BMPR1B: variants seen among roughly 807,000 people sequenced by gnomAD.
The protein encoded by BMPR1B is bone morphogenetic protein receptor type 1B.
A neutral mutation model predicts 59.1 loss-of-function variants in BMPR1B; 12 were observed. The observed-to-expected ratio is 0.20, with a 90% CI of 0.13 to 0.33. The LOEUF is 0.33. Ranked by LOEUF, BMPR1B falls within the 10% of genes least tolerant of loss-of-function variation. The pLI is 1.00. For synonymous variants in BMPR1B, 237 were observed against 207.3 expected (o/e 1.14, Z -1.23); for missense variants, 550 against 610.9 (o/e 0.90, Z 1.05).
intron 2 of BMPR1B, among the ~76,000 whole-genome samples, chr4:94,913,290 G>T (rs1002291247): frequency 3.9e-5 from 6 of 152,256 alleles, no homozygotes; most frequent in African/African-American, 1.4e-4. Context: ...ATAACCTTAT[G>T]TAAGTGGTGT....
chr4:94,877,619 T>G (rs1726781773), intron 2 of BMPR1B, among the ~76,000 whole-genome samples: 1 of 152,190 alleles, frequency 6.6e-6, no homozygotes, highest in African/African-American at 2.4e-5. Context: ...CTACCCCCAG[T>G]AGGAATTATA....
At chr4:94,829,725 G>A (rs778639356) in intron 1 of BMPR1B, among the ~76,000 whole-genome samples, 1 of 152,190 alleles carries the variant, frequency 6.6e-6, no homozygotes, top group Non-Finnish European at 1.5e-5. Flanking sequence ...AAAGAATGAA[G>A]TGCTCTAGTA....
At chr4:95,043,181 CAAAAAAAAAA>C (rs751904820) in intron 3 of BMPR1B, among the ~76,000 whole-genome samples, 3 of 51,454 alleles carry the variant, frequency 5.8e-5, no homozygotes, top group South Asian at 1.1e-3. Context: ...GACTCCGTCT[CAAAAAAAAAA>C]AAAAAAAAAA....
chr4:94,840,551 G>T (rs912866864), intron 1 of BMPR1B, among the ~76,000 whole-genome samples: 1 of 135,746 alleles, frequency 7.4e-6, no homozygotes, highest in African/African-American at 2.7e-5. Context: ...CCAGTTGATC[G>T]CATCGGCTCC....
chr4:95,080,035 T>C (rs902162214), intron 3 of BMPR1B, among the ~76,000 whole-genome samples: 1 of 152,316 alleles, frequency 6.6e-6, no homozygotes, highest in African/African-American at 2.4e-5. Context: ...ACTCAGGAGC[T>C]TAATTGTGCC....
At position 95,155,889 on chromosome 4, in the gene BMPR1B, G is replaced by T. The variant is rs1735388806; in HGVS notation, c.*1216G>T. On this transcript the variant is annotated 3_prime_UTR_variant, in exon 13 of 13. Coordinates refer to ENST00000515059, the MANE Select transcript of BMPR1B (RefSeq NM_001203.3). ...TAAAAATAGAGAAACATAACCTCTA[G>T]ATGGGACAGCAGAGGACAGTTAGTA... 1 of 152,280 alleles carries T rather than the reference G, an allele frequency of 6.6e-6. No homozygotes were observed. The highest frequency in any genetic ancestry group is 1.5e-5 in the Non-Finnish European group (1 of 68,018). The allele number at this position is 152,280 out of a possible 1,614,324, so 9.4% of individuals were successfully genotyped here. A position where few individuals can be genotyped will look rare whatever the true frequency, so the allele number is the denominator to read the frequency against.
intron 2 of BMPR1B, among the ~76,000 whole-genome samples, chr4:94,881,309 G>T (rs936594292): frequency 2.6e-5 from 4 of 152,020 alleles, no homozygotes; most frequent in Non-Finnish European, 5.9e-5. Flanking sequence ...ACAAACACAT[G>T]CGTATTTAGA....
In BMPR1B at chr4:95,156,197, T is replaced by G. The variant is rs1735409371; in HGVS notation, c.*1524T>G. 6.6e-6 allele frequency: 1 copy of G among 152,210 alleles called. No individual in the cohort carries two copies. Among genetic ancestry groups the G allele is most frequent in the Non-Finnish European group, 1.5e-5 (1 of 68,016 alleles). 9.4% of individuals were successfully genotyped at this position (152,210 alleles called of 1,614,324 possible). On this transcript the variant is annotated 3_prime_UTR_variant, in exon 13 of 13. Transcript: ENST00000515059. ...TTTAGCAACATGAATACAATACAGT[T>G]TAAAGTTGTACACATCCTGCTCAAC...
intron 1 of BMPR1B, among the ~76,000 whole-genome samples, chr4:94,850,047 C>A (rs1464872047): frequency 6.6e-6 from 1 of 152,112 alleles, no homozygotes; most frequent in Non-Finnish European, 1.5e-5. Flanking sequence ...CTTGTTGATG[C>A]CATTCCTTCA....
At chr4:94,786,861 A>AT (rs376423086) in intron 1 of BMPR1B, among the ~76,000 whole-genome samples, 42 of 151,374 alleles carry the variant, frequency 2.8e-4, no homozygotes, top group African/African-American at 9.5e-4. Context: ...CTAATTTTTA[A>AT]TTTTTTTTGT....
intron 3 of BMPR1B, among the ~76,000 whole-genome samples, chr4:95,009,135 C>A (rs969936800): frequency 6.6e-6 from 1 of 152,108 alleles, no homozygotes; most frequent in Non-Finnish European, 1.5e-5. Context: ...CTGAAAATAA[C>A]AAATCTTGGT....
intron 2 of BMPR1B, among the ~76,000 whole-genome samples, chr4:94,891,378 GA>G (rs1395404442): frequency 2.0e-5 from 3 of 152,010 alleles, no homozygotes; most frequent in Non-Finnish European, 4.4e-5. Context: ...ATACATATAT[GA>G]AAAATAAATG....
At chr4:95,130,116 A>C in intron 9 of BMPR1B, 62 bp downstream of exon 9, 1 of 1,567,670 alleles carries the variant, frequency 6.4e-7, no homozygotes, top group East Asian at 2.3e-5. Context: ...CTTTCTGTTA[A>C]CATCTGCATG....
intron 1 of BMPR1B, among the ~76,000 whole-genome samples, chr4:94,793,622 A>G (rs1432734772): frequency 6.8e-6 from 1 of 147,460 alleles, no homozygotes; most frequent in Non-Finnish European, 1.5e-5. Flanking sequence ...GAACTAGTTT[A>G]CAGTCCCACC....
At chr4:95,012,855 A>G (rs1723318771) in intron 3 of BMPR1B, among the ~76,000 whole-genome samples, 1 of 152,194 alleles carries the variant, frequency 6.6e-6, no homozygotes, top group Non-Finnish European at 1.5e-5. Flanking sequence ...AAGAAGAAAC[A>G]AAATTTTGGA....
rs1030078210 is a variant in BMPR1B at position 94,833,212 on chromosome 4, T to A, written c.-182-42619T>A. Reference sequence around the variant, plus strand: ...TTTCTCAAAAAAAAAAAAAAAAAAATGCAGGTATAAATAAGTACCTACCTC... The same window carrying A: ...TTTCTCAAAAAAAAAAAAAAAAAAAAGCAGGTATAAATAAGTACCTACCTC... On this transcript the variant is annotated intron_variant, in intron 1 of 12. Coordinates refer to ENST00000515059, the MANE Select transcript of BMPR1B (RefSeq NM_001203.3). Among the ~76,000 whole-genome samples the A allele has an allele frequency of 3.9e-3, 491 of 127,490 alleles. 3 individuals are homozygous for A. The highest frequency in any genetic ancestry group is 0.012 in the Middle Eastern group (3 of 244). 83.6% of individuals were successfully genotyped at this position (127,490 alleles called of 152,430 possible).
chr4:94,968,957 G>C (rs1330180969), intron 2 of BMPR1B, among the ~76,000 whole-genome samples: 1 of 151,990 alleles, frequency 6.6e-6, no homozygotes, highest in Non-Finnish European at 1.5e-5. Flanking sequence ...ACAATTCCCA[G>C]CTTTACCCTG....
intron 4 of BMPR1B, among the ~76,000 whole-genome samples, chr4:95,104,872 ATTAG>A (rs1400713847): frequency 2.0e-5 from 3 of 152,030 alleles, no homozygotes; most frequent in African/African-American, 7.2e-5. Context: ...GGTCCCCACA[ATTAG>A]TTAAACATCA....
At chr4:94,902,327 A>G (rs1727865878) in intron 2 of BMPR1B, among the ~76,000 whole-genome samples, 1 of 150,532 alleles carries the variant, frequency 6.6e-6, no homozygotes, top group African/African-American at 2.4e-5. Context: ...GAAATAATTC[A>G]TGTAATATAA....
Sources: gnomAD v4.1 joint callset for allele counts (sites outside exome capture counted in the v4.1 genomes callset) on GRCh38, gnomAD v4.1.1 for gene constraint, MANE v1.5 for transcripts, NCBI Gene and HGNC (gene_info 2026-07-23, HGNC 2026-07-21) for gene names.